Variants in ZNF324B observed in about 807,000 individuals in gnomAD.
ZNF324B encodes zinc finger protein 324B.
In ZNF324B, 7 loss-of-function variants were observed where a neutral mutation model predicts 10.6. The ratio of observed to expected loss-of-function variants is 0.66; its 90% confidence interval spans 0.38 to 1.24. ZNF324B has a LOEUF of 1.24. Ranked by LOEUF, ZNF324B falls within the 50% of genes most tolerant of loss-of-function variation. The pLI is 0.02. For synonymous variants in ZNF324B, 316 were observed against 321.0 expected (o/e 0.98, Z 0.17); for missense variants, 640 against 764.7 (o/e 0.84, Z 1.92).
chr19:58,428,348 A>G, the ZNF324B span, among the ~76,000 whole-genome samples: 1 of 152,224 alleles, frequency 6.6e-6, no homozygotes, highest in Non-Finnish European at 1.5e-5. Flanking sequence ...GATTTTCAAC[A>G]TTTATAAAAT....
chr19:58,423,902 CTAAA>C, the ZNF324B span, among the ~76,000 whole-genome samples: 3 of 152,024 alleles, frequency 2.0e-5, no homozygotes, highest in Non-Finnish European at 4.4e-5. Context: ...AAAAACAACT[CTAAA>C]TAAAGACTTA....
At chr19:58,420,738 C>T in the ZNF324B span, among the ~76,000 whole-genome samples, 1,193 of 151,418 alleles carry the variant, frequency 7.9e-3, 12 homozygotes, top group Non-Finnish European at 0.013. Flanking sequence ...GAGATGGAGT[C>T]ACTCTGTTGT....
chr19:58,421,224 G>A, the ZNF324B span, among the ~76,000 whole-genome samples: 6 of 152,138 alleles, frequency 3.9e-5, no homozygotes, highest in East Asian at 1.2e-3. Context: ...CTGGAGTAGA[G>A]TCCCATCTGC....
At chr19:58,436,946 G>A in the ZNF324B span, 1 of 1,526,436 alleles carries the variant, frequency 6.6e-7, no homozygotes, top group South Asian at 1.1e-5. Context: ...ACCCGAGAAG[G>A]AAGCAGTACC....
the ZNF324B span, among the ~76,000 whole-genome samples, chr19:58,446,580 T>C: frequency 6.9e-5 from 10 of 144,960 alleles, no homozygotes; most frequent in African/African-American, 2.1e-4. Context: ...TCTCTTTTTT[T>C]TTTTTTTTTT....
At chr19:58,438,976 GTTGGCCAGGCTGGTC>G in the ZNF324B span, among the ~76,000 whole-genome samples, 11 of 152,028 alleles carry the variant, frequency 7.2e-5, no homozygotes, top group African/African-American at 2.7e-4. Flanking sequence ...GTTTCGCCAC[GTTGGCCAGGCTGGTC>G]TTGAACTCCT....
At chr19:58,449,310 G>A (rs527610647), upstream of ZNF324B, among the ~76,000 whole-genome samples, 40 of 152,374 alleles carry the variant, frequency 2.6e-4, no homozygotes, top group Non-Finnish European at 5.0e-4. Context: ...TGCTGCAGGG[G>A]CAGGGCCCTC....
chr19:58,420,794 G>A, the ZNF324B span, among the ~76,000 whole-genome samples: 5 of 151,316 alleles, frequency 3.3e-5, no homozygotes, highest in African/African-American at 7.3e-5. Context: ...TGCAACCTCC[G>A]CCTCCCAGGG....
chr19:58,425,437 C>T, the ZNF324B span, among the ~76,000 whole-genome samples: 1 of 150,696 alleles, frequency 6.6e-6, no homozygotes, highest in African/African-American at 2.4e-5. Flanking sequence ...TCCTTCCTTC[C>T]TTCCTGTCTT....
the ZNF324B span, among the ~76,000 whole-genome samples, chr19:58,427,356 T>TTC: frequency 3.9e-5 from 2 of 51,270 alleles, no homozygotes; most frequent in Non-Finnish European, 4.8e-5. Context: ...TTTCCTTTCT[T>TTC]TCTTTCTTTC....
chr19:58,449,647 T>G (rs1046710702), upstream of ZNF324B, among the ~76,000 whole-genome samples: 4 of 152,232 alleles, frequency 2.6e-5, no homozygotes, highest in Admixed American at 6.5e-5. Flanking sequence ...TTTTGGAACT[T>G]TAAGATTCGA....
chr19:58,420,007 C>T, the ZNF324B span, among the ~76,000 whole-genome samples: 8 of 152,082 alleles, frequency 5.3e-5, no homozygotes, highest in Non-Finnish European at 1.0e-4. Context: ...TTAGGCTGGG[C>T]GTGGTGGTCG....
the ZNF324B span, chr19:58,437,698 C>G: frequency 2.0e-6 from 2 of 985,196 alleles, no homozygotes; most frequent in Non-Finnish European, 2.4e-6. Context: ...GGCATTCTCC[C>G]TAGCATCTCA....
At chr19:58,434,575 G>A in the ZNF324B span, 4 of 1,613,960 alleles carry the variant, frequency 2.5e-6, no homozygotes, top group African/African-American at 5.3e-5. Flanking sequence ...ACACACATGG[G>A]GTATTTCCCC....
the ZNF324B span, chr19:58,445,502 C>T: frequency 1.9e-6 from 1 of 518,812 alleles, no homozygotes; most frequent in Non-Finnish European, 3.8e-6. Flanking sequence ...AAAGTCTTCA[C>T]CTCCCTTATT....
At chr19:58,440,280 C>T in the ZNF324B span, 1,465 of 196,794 alleles carry the variant, frequency 7.4e-3, 12 homozygotes, top group Non-Finnish European at 0.011. Flanking sequence ...ACTGCTAGGT[C>T]GTTGCCAAGG....
rs764774892 is a variant in ZNF324B at position 58,456,391 on chromosome 19, T to G, written c.1447T>G (p.Cys483Gly). The change falls in exon 4 of 4, where the codon TGC (cysteine) becomes GGC (glycine). Residue 483 changes from cysteine to glycine, a missense_variant. Physicochemically the swap from Cys to Gly is radical, Grantham distance 159. This residue lies in a region of ZNF324B where 238 missense variants were observed against 258.0 expected (regional missense o/e 0.92). Coordinates refer to ENST00000336614, the MANE Select transcript of ZNF324B (RefSeq NM_207395.3). This position sits in a 1 kb window ranked among gnomAD's most constrained non-coding sequence, Gnocchi z 4.7. ...TCACACGGGCGAGAAGCCCTTCGTG[T>G]GCACGCAGTGTGGCCGCGCCTTCCG... is the stretch of plus-strand genomic sequence containing the variant. Reference protein sequence around the residue: ...RIHTGEKPFVCTQCGRAFRER... With the variant: ...RIHTGEKPFVGTQCGRAFRER... 8.1e-6 allele frequency: 13 copies of G among 1,613,232 alleles called. No individual in the cohort carries two copies. Among genetic ancestry groups the G allele is most frequent in the Non-Finnish European group, 8.5e-6 (10 of 1,180,028 alleles).
At chr19:58,424,262 TAAAAC>T in the ZNF324B span, among the ~76,000 whole-genome samples, 2 of 151,044 alleles carry the variant, frequency 1.3e-5, no homozygotes, top group East Asian at 1.9e-4. Flanking sequence ...AAGAACAAAA[TAAAAC>T]AAACAACAAC....
upstream of ZNF324B, among the ~76,000 whole-genome samples, chr19:58,451,108 G>A (rs1026304651): frequency 1.3e-5 from 2 of 152,134 alleles, no homozygotes; most frequent in Non-Finnish European, 2.9e-5. Flanking sequence ...GTTGAAAAAC[G>A]GACCTTAAAC....
Sources: gnomAD v4.1 joint callset for allele counts (sites outside exome capture counted in the v4.1 genomes callset) on GRCh38, gnomAD v4.1.1 for gene constraint, gnomAD v4.1.1 regional missense constraint, Gnocchi (gnomAD v3.1) non-coding constraint, MANE v1.5 for transcripts, NCBI Gene and HGNC (gene_info 2026-07-23, HGNC 2026-07-21) for gene names.